The following SPACA6 variants were observed in gnomAD, a reference collection of about 807,000 sequenced individuals.
SPACA6 encodes the protein sperm acrosome membrane-associated protein 6.
For missense variants in SPACA6, 8 were observed against 2.8 expected (o/e 2.88, Z -1.34); for synonymous variants, 6 against 1.5 (o/e 4.05, Z -2.21).
In SPACA6 at chr19:51,703,451, G is replaced by A. The variant is rs1403721237; in HGVS notation, c.573+114G>A. The A allele has an allele frequency of 5.0e-6, 2 of 397,328 alleles. No homozygotes were observed. The highest frequency in any genetic ancestry group is 4.1e-5 in the African/African-American group (2 of 48,600). The allele number at this position is 397,328 out of a possible 1,614,324, so 24.6% of individuals were successfully genotyped here. On this transcript the variant is annotated intron_variant, in intron 6 of 8. Coordinates refer to ENST00000637797, the MANE Select transcript of SPACA6 (RefSeq NM_001316972.2). The surrounding 1 kb of genome is among the most constrained non-coding windows in gnomAD (Gnocchi z 4.2). ...TCCGGGAATCTCCGTCTAGACACAA[G>A]CATCAGCAAGAGGAGGGTCGCGGGA...
rs184989142 is a variant in SPACA6, at chr19:51,703,196, G to A, written c.464-32G>A. 1 of 399,374 alleles carries A rather than the reference G, an allele frequency of 2.5e-6. No homozygotes were observed. Among genetic ancestry groups the A allele is most frequent in the East Asian group, 3.6e-5 (1 of 28,082 alleles). 24.7% of individuals were successfully genotyped at this position (399,374 alleles called of 1,614,324 possible). On this transcript the variant is annotated intron_variant, in intron 5 of 8. Coordinates refer to ENST00000637797, the MANE Select transcript of SPACA6 (RefSeq NM_001316972.2). This position sits in a 1 kb window ranked among gnomAD's most constrained non-coding sequence, Gnocchi z 4.2. ...TGGTGGCGAGGCCAGACGTGGTCGGGGCCCAGCGAGTGAACCCTGCTCCGT... is the reference window on the plus strand; with the variant it reads ...TGGTGGCGAGGCCAGACGTGGTCGGAGCCCAGCGAGTGAACCCTGCTCCGT...
chr19:51,711,633 A>G (rs998266853), intron 2 of SPACA6, among the ~76,000 whole-genome samples: 1 of 152,230 alleles, frequency 6.6e-6, no homozygotes. Context: ...AGGTGGAGAT[A>G]TCCCAAATGT....
At chr19:51,684,742 A>G (rs1034668256), upstream of SPACA6, among the ~76,000 whole-genome samples, 1 of 152,172 alleles carries the variant, frequency 6.6e-6, no homozygotes, top group Non-Finnish European at 1.5e-5. Context: ...CCAAAACCTC[A>G]ATGTTTTAAG....
upstream of SPACA6, chr19:51,693,171 G>A (rs537435354): frequency 5.0e-5 from 24 of 484,172 alleles, no homozygotes; most frequent in East Asian, 1.1e-3. Flanking sequence ...TGGTCTTTCT[G>A]TCTCTGGCTC....
chr19:51,706,353 G>A (rs1450759451), downstream of SPACA6, among the ~76,000 whole-genome samples: 1 of 151,754 alleles, frequency 6.6e-6, no homozygotes, highest in Admixed American at 6.6e-5. Flanking sequence ...TATTAACCCC[G>A]CTAATCCCCT....
chr19:51,698,872 A>C (rs1370473172), intron 2 of SPACA6, among the ~76,000 whole-genome samples: 1 of 152,110 alleles, frequency 6.6e-6, no homozygotes, highest in African/African-American at 2.4e-5. Flanking sequence ...TGGGGATCCA[A>C]GCTCCTTCAA....
At chr19:51,698,131 G>A (rs2083443535) in intron 2 of SPACA6, among the ~76,000 whole-genome samples, 1 of 152,144 alleles carries the variant, frequency 6.6e-6, no homozygotes, top group Non-Finnish European at 1.5e-5. Flanking sequence ...GATGAATGAG[G>A]AAACTGAGGA....
intron 2 of SPACA6, among the ~76,000 whole-genome samples, chr19:51,701,150 A>C (rs2083465463): frequency 6.6e-6 from 1 of 152,108 alleles, no homozygotes; most frequent in South Asian, 2.1e-4. Context: ...TGAACCCAGG[A>C]GGCGGAGGTT....
upstream of SPACA6, among the ~76,000 whole-genome samples, chr19:51,690,664 A>G (rs1226387353): frequency 2.0e-5 from 3 of 152,044 alleles, no homozygotes; most frequent in Non-Finnish European, 4.4e-5. Flanking sequence ...AAGCGGGGCT[A>G]TGGGCCCAGG....
At chr19:51,685,330 C>G (rs1187545881), upstream of SPACA6, 2 of 152,008 alleles carry the variant, frequency 1.3e-5, no homozygotes, top group Non-Finnish European at 2.9e-5. Context: ...GTTGAGCATC[C>G]CTTATCCAAA....
downstream of SPACA6, among the ~76,000 whole-genome samples, chr19:51,708,942 C>T (rs759274985): frequency 6.6e-6 from 1 of 151,842 alleles, no homozygotes; most frequent in Non-Finnish European, 1.5e-5. Flanking sequence ...GGAGGACAGC[C>T]GGGAGGACAT....
At chr19:51,694,803 G>A (rs1352231060) in intron 2 of SPACA6, among the ~76,000 whole-genome samples, 2 of 152,204 alleles carry the variant, frequency 1.3e-5, no homozygotes, top group African/African-American at 2.4e-5. Context: ...TGGAAGTCCA[G>A]ATGGGGTCGG....
At chr19:51,683,906 T>TACATACA in the SPACA6 span, among the ~76,000 whole-genome samples, 3 of 152,228 alleles carry the variant, frequency 2.0e-5, no homozygotes. Flanking sequence ...CTTAATCACC[T>TACATACA]TGGCATATGT....
chr19:51,704,233 T>TG (rs2083495399), intron 7 of SPACA6, 37 bp from the exon 8 acceptor site: 4 of 399,436 alleles, frequency 1.0e-5, no homozygotes, highest in Non-Finnish European at 1.3e-5. Flanking sequence ...GGGAGAGGGG[T>TG]GGGGCTCGTG....
At chr19:51,689,128 C>T (rs973219179), upstream of SPACA6, 1 of 151,592 alleles carries the variant, frequency 6.6e-6, no homozygotes, top group Non-Finnish European at 1.5e-5. Flanking sequence ...CCCGCCGCCT[C>T]CCGGCCTCTT....
At chr19:51,701,770 C>G (rs748051106) in intron 3 of SPACA6, 44 bp downstream of exon 3, 8 of 396,066 alleles carry the variant, frequency 2.0e-5, no homozygotes, top group African/African-American at 1.4e-4. Flanking sequence ...CACACACACA[C>G]AATTAGAAAA....
downstream of SPACA6, among the ~76,000 whole-genome samples, chr19:51,707,606 ACT>A (rs755563741): frequency 4.9e-4 from 74 of 151,730 alleles, no homozygotes; most frequent in Non-Finnish European, 5.9e-4. Context: ...CAGTTCTCCA[ACT>A]CTCCCGGACA....
chr19:51,711,877 G>A (rs577407094), intron 2 of SPACA6, among the ~76,000 whole-genome samples: 1 of 152,202 alleles, frequency 6.6e-6, no homozygotes, highest in Admixed American at 6.5e-5. Flanking sequence ...AGGTCTTAGG[G>A]GGATAAAGGG....
At chr19:51,707,022 A>C (rs1196855280), downstream of SPACA6, among the ~76,000 whole-genome samples, 1 of 152,182 alleles carries the variant, frequency 6.6e-6, no homozygotes, top group Non-Finnish European at 1.5e-5. Flanking sequence ...CCTTTTGAGC[A>C]TGTACTCATT....
Sources: gnomAD v4.1 joint callset for allele counts (sites outside exome capture counted in the v4.1 genomes callset) on GRCh38, gnomAD v4.1.1 for gene constraint, Gnocchi (gnomAD v3.1) non-coding constraint, MANE v1.5 for transcripts, NCBI Gene and HGNC (gene_info 2026-07-23, HGNC 2026-07-21) for gene names.